The following ABLIM1 variants were observed in gnomAD, a reference collection of about 807,000 sequenced individuals.
ABLIM1 encodes actin binding LIM protein 1.
Under a neutral mutation model 107.0 loss-of-function variants are expected in ABLIM1, and 40 were observed. The ratio of observed to expected loss-of-function variants is 0.37; its 90% CI spans 0.29 to 0.49. The LOEUF (loss-of-function observed/expected upper bound fraction) is 0.49. ABLIM1 is among the 20% of genes least tolerant of loss of function. The pLI is 0.97. For missense variants in ABLIM1, 857 were observed against 1,008.5 expected (o/e 0.85, Z 2.04); for synonymous variants, 357 against 357.3 (o/e 1.00, Z 0.01).
intron 1 of ABLIM1, among the ~76,000 whole-genome samples, chr10:114,648,815 A>G (rs796633919): frequency 2.7e-4 from 41 of 152,296 alleles, no homozygotes; most frequent in African/African-American, 8.9e-4. Context: ...ACACGCAAAC[A>G]AACAGATACA....
At chr10:114,796,264 A>C in the ABLIM1 span, among the ~76,000 whole-genome samples, 1 of 152,220 alleles carries the variant, frequency 6.6e-6, no homozygotes, top group African/African-American at 2.4e-5. Context: ...AACAGGTCCC[A>C]CAGGGCTCAG....
intron 1 of ABLIM1, among the ~76,000 whole-genome samples, chr10:114,675,497 T>G (rs1164666610): frequency 6.6e-6 from 1 of 152,222 alleles, no homozygotes; most frequent in Non-Finnish European, 1.5e-5. Flanking sequence ...CTGCCGTGAT[T>G]GTGAGGCCTC....
At chr10:114,519,778 G>T (rs1437628178) in intron 6 of ABLIM1, among the ~76,000 whole-genome samples, 1 of 152,092 alleles carries the variant, frequency 6.6e-6, no homozygotes, top group Non-Finnish European at 1.5e-5. Context: ...ACTTCTCACT[G>T]GTCCTACCCC....
chr10:114,798,739 T>C, the ABLIM1 span, among the ~76,000 whole-genome samples: 1 of 152,134 alleles, frequency 6.6e-6, no homozygotes. Context: ...AGACCCTGTC[T>C]CTATAAAAAA....
At chr10:114,737,989 A>G (rs148006215) in intron 1 of ABLIM1, among the ~76,000 whole-genome samples, 99 of 152,308 alleles carry the variant, frequency 6.5e-4, no homozygotes, top group South Asian at 1.0e-3. Context: ...AAAACCCATC[A>G]AATTGTATGC....
chr10:114,510,892 TC>T (rs2061763099), intron 6 of ABLIM1, among the ~76,000 whole-genome samples: 1 of 151,930 alleles, frequency 6.6e-6, no homozygotes, highest in Non-Finnish European at 1.5e-5. Flanking sequence ...GCTCAAGGGA[TC>T]ACCCGCCTCA....
chr10:114,516,457 G>A (rs1253528278), intron 6 of ABLIM1, among the ~76,000 whole-genome samples: 8 of 152,154 alleles, frequency 5.3e-5, no homozygotes, highest in African/African-American at 1.7e-4. Context: ...TGGGGAGACA[G>A]AGGTTGCAGT....
intron 12 of ABLIM1, among the ~76,000 whole-genome samples, chr10:114,454,976 T>G (rs1043926605): frequency 2.0e-5 from 3 of 152,228 alleles, no homozygotes; most frequent in African/African-American, 7.2e-5. Context: ...AAAGTCCAAT[T>G]TATTTATCTA....
chr10:114,658,017 A>T lies in ABLIM1; in HGVS notation c.184T>A (p.Tyr62Asn), dbSNP rs2079608658. ...HRRATITHLL[Y>N]LCPKDYCPRG... The stretch of plus-strand genomic sequence containing the variant: ...GGGCAGTAGTCCTTGGGACAGAGAT[A>T]CAGCAAATGAGTGATAGTGGCACGC... The change falls in exon 1 of 23, where the codon TAT (tyrosine) becomes AAT (asparagine). Residue 62 changes from tyrosine (Y) to asparagine (N), a missense_variant. Tyr to Asn is a moderately radical substitution (Grantham distance 143). This residue lies in a region of ABLIM1 where 176 missense variants were observed against 173.5 expected (regional missense o/e 1.01). Transcript: ENST00000533213. The T allele has an allele frequency of 6.2e-7, 1 of 1,614,078 alleles. No homozygotes were observed. Among genetic ancestry groups the T allele is most frequent in the African/African-American group, 1.3e-5 (1 of 74,932 alleles).
chr10:114,433,554 T>C lies in ABLIM1; in HGVS notation c.*2706A>G, dbSNP rs1244243841. ...GCAAGGTGCAGTTTAAATGAACTCA[T>C]ATGGTACTTGATATGGAAAGAAGCT... On this transcript the variant is annotated 3_prime_UTR_variant, in exon 23 of 23. Transcript: ENST00000533213. The C allele has an allele frequency of 6.6e-6, 1 of 152,258 alleles. No homozygotes were observed. The highest frequency in any genetic ancestry group is 6.5e-5 in the Admixed American group (1 of 15,288). The allele number at this position is 152,258 out of a possible 1,614,324, so 9.4% of individuals were successfully genotyped here.
chr10:114,496,187 A>G (rs1049058736), intron 6 of ABLIM1, among the ~76,000 whole-genome samples: 1 of 152,222 alleles, frequency 6.6e-6, no homozygotes, highest in Non-Finnish European at 1.5e-5. Context: ...GGGAAATTAC[A>G]TCAACTTATA....
chr10:114,532,283 C>T (rs1025645123), intron 6 of ABLIM1, among the ~76,000 whole-genome samples: 10 of 152,218 alleles, frequency 6.6e-5, no homozygotes, highest in African/African-American at 2.4e-4. Flanking sequence ...ATTTGCAAGG[C>T]CACTCCAAAC....
chr10:114,524,422 A>G (rs573472196), intron 6 of ABLIM1, among the ~76,000 whole-genome samples: 17 of 152,350 alleles, frequency 1.1e-4, no homozygotes, highest in Non-Finnish European at 2.2e-4. Context: ...GCACTCACAA[A>G]ACAAGGCCCA....
chr10:114,771,403 G>A (rs2083023487), upstream of ABLIM1, among the ~76,000 whole-genome samples: 1 of 152,156 alleles, frequency 6.6e-6, no homozygotes. Context: ...TGGTAAGTTT[G>A]CTATCAAAGG....
intron 1 of ABLIM1, among the ~76,000 whole-genome samples, chr10:114,713,460 A>T (rs1375285404): frequency 6.6e-6 from 1 of 152,236 alleles, no homozygotes; most frequent in Non-Finnish European, 1.5e-5. Context: ...AATCAAAACC[A>T]AGTGCAAGAT....
rs116668549 is a variant in ABLIM1 at position 114,626,839 on chromosome 10, A to G, written c.245-24878T>C. 2.5e-3 allele frequency among the ~76,000 whole-genome samples: 381 copies of G among 152,294 alleles called. 5 individuals carry two copies. Among genetic ancestry groups the G allele is most frequent in the African/African-American group, 8.6e-3 (359 of 41,562 alleles). The stretch of plus-strand genomic sequence containing the variant: ...CCACTGGGACTGGTGTCCTTTTAAA[A>G]AGGGGAAACATGGAGTCAGATAGGC... On this transcript the variant is annotated intron_variant, in intron 1 of 22. Transcript: ENST00000533213.
At chr10:114,504,510 C>A (rs2135729609) in intron 6 of ABLIM1, among the ~76,000 whole-genome samples, 1 of 152,254 alleles carries the variant, frequency 6.6e-6, no homozygotes, top group South Asian at 2.1e-4. Flanking sequence ...AAGCTAACCG[C>A]CTGGTAAGAT....
At chr10:114,799,998 C>T in the ABLIM1 span, among the ~76,000 whole-genome samples, 1 of 152,166 alleles carries the variant, frequency 6.6e-6, no homozygotes, top group Non-Finnish European at 1.5e-5. Context: ...TGGTCTCGAA[C>T]CCCTGAGCTC....
At chr10:114,482,589 A>C (rs1381007991) in intron 8 of ABLIM1, among the ~76,000 whole-genome samples, 6 of 152,178 alleles carry the variant, frequency 3.9e-5, no homozygotes, top group Admixed American at 6.5e-5. Flanking sequence ...TTCAATCGCC[A>C]ACGGGTGAAG....
Sources: gnomAD v4.1 joint callset for allele counts (sites outside exome capture counted in the v4.1 genomes callset) on GRCh38, gnomAD v4.1.1 for gene constraint, gnomAD v4.1.1 regional missense constraint, MANE v1.5 for transcripts, NCBI Gene and HGNC (gene_info 2026-07-23, HGNC 2026-07-21) for gene names.